STAG1: variants seen among roughly 807,000 people sequenced by gnomAD.
STAG1 encodes the protein cohesin subunit SA-1.
STAG1 carries 26 observed loss-of-function variants against 170.9 expected under a neutral mutation model. The ratio of observed to expected loss-of-function variants is 0.15; its 90% confidence interval spans 0.11 to 0.21. The LOEUF (loss-of-function observed/expected upper bound fraction) is 0.21, where lower values mean the gene tolerates loss of function less well. Ranked by LOEUF, STAG1 falls within the 10% of genes least tolerant of loss-of-function variation. The pLI is 1.00. For missense variants in STAG1, 964 were observed against 1,509.5 expected (o/e 0.64, Z 5.99); for synonymous variants, 514 against 497.7 (o/e 1.03, Z -0.44).
intron 6 of STAG1, among the ~76,000 whole-genome samples, chr3:136,535,769 C>A (rs1002814881): frequency 6.6e-6 from 1 of 152,160 alleles, no homozygotes; most frequent in African/African-American, 2.4e-5. Context: ...ACCCCAAATA[C>A]CCTGACTTGA....
At chr3:136,563,452 T>C (rs983566145) in intron 5 of STAG1, among the ~76,000 whole-genome samples, 16 of 152,030 alleles carry the variant, frequency 1.1e-4, no homozygotes, top group African/African-American at 2.4e-4. Context: ...TCAAAAACTA[T>C]AAAACTATAT....
intron 16 of STAG1, among the ~76,000 whole-genome samples, chr3:136,429,801 CAATGTCAA>C (rs1255556839): frequency 1.3e-5 from 2 of 152,178 alleles, no homozygotes; most frequent in Non-Finnish European, 2.9e-5. Context: ...CCAGTGTACT[CAATGTCAA>C]CATGTCAAGG....
intron 1 of STAG1, among the ~76,000 whole-genome samples, chr3:136,710,876 A>C (rs1028388653): frequency 1.3e-5 from 2 of 152,038 alleles, no homozygotes; most frequent in Non-Finnish European, 2.9e-5. Flanking sequence ...AACAAAAAGG[A>C]AAATGACACC....
chr3:136,463,770 TACACACACACACACACACACATATAC>T (rs2089351721), intron 13 of STAG1, among the ~76,000 whole-genome samples: 1 of 126,396 alleles, frequency 7.9e-6, no homozygotes, highest in Non-Finnish European at 1.7e-5. Context: ...TGTGTGTGTA[TACACACACACACACACACACATATAC>T]ATATACATAC....
chr3:136,456,705 A>G (rs1335770449), intron 13 of STAG1, among the ~76,000 whole-genome samples: 1 of 152,226 alleles, frequency 6.6e-6, no homozygotes, highest in Admixed American at 6.5e-5. Flanking sequence ...CCCAAGGCAT[A>G]TCATAATCAA....
In STAG1 at chr3:136,422,860, A is replaced by G; in HGVS notation, c.1744-3T>C. 3.1e-6 allele frequency: 5 copies of G among 1,601,970 alleles called. No individual in the cohort carries two copies. Among genetic ancestry groups the G allele is most frequent in the African/African-American group, 1.3e-5 (1 of 74,394 alleles). ...ACCTTCTCTGCATCTGCAGAATACT[A>G]GAAGGAGAAGCAAAGAAAAAGACAG... On this transcript the variant is annotated splice_region_variant and splice_polypyrimidine_tract_variant and intron_variant, in intron 17 of 33. Transcript: ENST00000383202.
chr3:136,631,195 T>C (rs770955526), intron 1 of STAG1, among the ~76,000 whole-genome samples: 15 of 152,194 alleles, frequency 9.9e-5, no homozygotes, highest in Non-Finnish European at 1.8e-4. Flanking sequence ...AATGAATAAA[T>C]AAACTACGCA....
intron 12 of STAG1, among the ~76,000 whole-genome samples, chr3:136,466,241 GCTAAAAACC>G (rs1234213183): frequency 6.6e-6 from 1 of 152,118 alleles, no homozygotes; most frequent in African/African-American, 2.4e-5. Flanking sequence ...TCGCAAAGAA[GCTAAAAACC>G]TTGAAAAAAG....
intron 1 of STAG1, among the ~76,000 whole-genome samples, chr3:136,748,765 A>G (rs1285308156): frequency 6.6e-6 from 1 of 152,178 alleles, no homozygotes; most frequent in Non-Finnish European, 1.5e-5. Flanking sequence ...GAAAGAAAAA[A>G]TAATTATACA....
At chr3:136,446,841 G>A (rs2088795712) in intron 14 of STAG1, among the ~76,000 whole-genome samples, 1 of 148,982 alleles carries the variant, frequency 6.7e-6, no homozygotes, top group South Asian at 2.1e-4. Flanking sequence ...GTCTTGCTCT[G>A]TCGCCCAGGA....
chr3:136,734,914 T>C (rs1362776125), intron 1 of STAG1, among the ~76,000 whole-genome samples: 1 of 152,090 alleles, frequency 6.6e-6, no homozygotes, highest in Non-Finnish European at 1.5e-5. Flanking sequence ...GCCAGGCAAA[T>C]ACCTCATGAT....
intron 7 of STAG1, among the ~76,000 whole-genome samples, chr3:136,507,732 T>C (rs920068899): frequency 1.2e-4 from 19 of 152,164 alleles, no homozygotes; most frequent in Non-Finnish European, 7.4e-5. Flanking sequence ...TTAATAAAAA[T>C]AATGTCTATG....
At chr3:136,695,160 A>T (rs1397234398) in intron 1 of STAG1, among the ~76,000 whole-genome samples, 1 of 152,214 alleles carries the variant, frequency 6.6e-6, no homozygotes, top group Non-Finnish European at 1.5e-5. Context: ...GAACCCAATG[A>T]AGGCCACTGT....
At chr3:136,720,876 T>C (rs1392596539) in intron 1 of STAG1, among the ~76,000 whole-genome samples, 2 of 152,218 alleles carry the variant, frequency 1.3e-5, no homozygotes, top group Admixed American at 6.5e-5. Context: ...TCATATTTCA[T>C]AGTTTACAGA....
chr3:136,648,634 T>C (rs11916757), intron 1 of STAG1, among the ~76,000 whole-genome samples: 34 of 152,360 alleles, frequency 2.2e-4, no homozygotes, highest in African/African-American at 8.2e-4. Context: ...AATGAAATCA[T>C]GCAGTCATCC....
chr3:136,738,173 G>A (rs955749042), intron 1 of STAG1, among the ~76,000 whole-genome samples: 2 of 152,048 alleles, frequency 1.3e-5, no homozygotes, highest in Non-Finnish European at 2.9e-5. Flanking sequence ...CAGGGATGGG[G>A]ATTAAGAAGA....
At chr3:136,539,143 A>G (rs886475068) in intron 6 of STAG1, among the ~76,000 whole-genome samples, 1 of 152,290 alleles carries the variant, frequency 6.6e-6, no homozygotes, top group South Asian at 2.1e-4. Context: ...CAAAAAAAAA[A>G]AAAAATGTTT....
At chr3:136,617,028 C>G (rs1939632409) in intron 3 of STAG1, among the ~76,000 whole-genome samples, 2 of 152,128 alleles carry the variant, frequency 1.3e-5, no homozygotes, top group Admixed American at 6.5e-5. Context: ...CATATACTAA[C>G]AAACTTCACT....
chr3:136,530,674 C>G (rs920287468), intron 6 of STAG1, among the ~76,000 whole-genome samples: 3 of 151,804 alleles, frequency 2.0e-5, no homozygotes, highest in Admixed American at 6.6e-5. Flanking sequence ...AACCAGTCAA[C>G]GAAGAAATTA....
Sources: allele counts gnomAD v4.1 joint callset (sites outside exome capture counted in the v4.1 genomes callset), GRCh38; gene constraint gnomAD v4.1.1; transcripts MANE v1.5; gene names NCBI Gene and HGNC (gene_info 2026-07-23, HGNC 2026-07-21).